The following SOX5 variants were observed in gnomAD, a reference collection of about 807,000 sequenced individuals.
SOX5 encodes SRY-box transcription factor 5.
A neutral mutation model predicts 92.0 loss-of-function variants in SOX5; 9 were observed. The observed-to-expected ratio is 0.10, with a 90% CI of 0.06 to 0.17. SOX5 has a LOEUF of 0.17. SOX5 is among the 10% of genes least tolerant of loss of function. The pLI, the probability that SOX5 is intolerant of heterozygous loss-of-function variation, is 1.00. For missense variants in SOX5, 642 were observed against 944.5 expected (o/e 0.68, Z 4.20); for synonymous variants, 344 against 336.3 (o/e 1.02, Z -0.25).
intron 4 of SOX5, among the ~76,000 whole-genome samples, chr12:23,967,063 T>C (rs1947673145): frequency 6.6e-6 from 1 of 152,172 alleles, no homozygotes; most frequent in African/African-American, 2.4e-5. Flanking sequence ...ATACAATGCA[T>C]AGCATAAGAA....
intron 1 of SOX5, among the ~76,000 whole-genome samples, chr12:24,531,211 T>C (rs1951170322): frequency 6.6e-6 from 1 of 152,086 alleles, no homozygotes; most frequent in African/African-American, 2.4e-5. Context: ...CTGACCAACA[T>C]TAAGCAGGAA....
intron 6 of SOX5, among the ~76,000 whole-genome samples, chr12:23,677,617 C>T (rs1003383731): frequency 6.6e-6 from 1 of 152,148 alleles, no homozygotes; most frequent in Non-Finnish European, 1.5e-5. Context: ...AAATCAATAG[C>T]TGCATCCTTA....
chr12:23,634,916 TA>T (rs1348640119), intron 8 of SOX5, among the ~76,000 whole-genome samples: 1 of 152,218 alleles, frequency 6.6e-6, no homozygotes, highest in Non-Finnish European at 1.5e-5. Flanking sequence ...AATACATTGT[TA>T]AGATTCATTC....
chr12:24,399,148 T>A (rs1276891478), intron 1 of SOX5, among the ~76,000 whole-genome samples: 1 of 152,016 alleles, frequency 6.6e-6, no homozygotes, highest in Admixed American at 6.6e-5. Context: ...TGGTCTTACA[T>A]GATTGCAGCT....
chr12:24,208,009 T>C (rs529192708), intron 4 of SOX5, among the ~76,000 whole-genome samples: 7 of 152,294 alleles, frequency 4.6e-5, no homozygotes, highest in Non-Finnish European at 7.4e-5. Flanking sequence ...CTTTTTGTGA[T>C]TTCCTATATC....
chr12:23,621,447 T>G (rs1207349098), intron 8 of SOX5, among the ~76,000 whole-genome samples: 1 of 152,098 alleles, frequency 6.6e-6, no homozygotes, highest in Non-Finnish European at 1.5e-5. Flanking sequence ...AATGTAAGTT[T>G]TATGTTATTT....
intron 3 of SOX5, among the ~76,000 whole-genome samples, chr12:23,778,034 T>A (rs2095162303): frequency 6.6e-6 from 1 of 152,150 alleles, no homozygotes. Context: ...AATGGCAACA[T>A]GTTGCAGTGG....
intron 4 of SOX5, among the ~76,000 whole-genome samples, chr12:24,212,264 T>C (rs1958702032): frequency 6.6e-6 from 1 of 152,252 alleles, no homozygotes; most frequent in Non-Finnish European, 1.5e-5. Context: ...TGTCCTAATG[T>C]TCATGCTAAA....
At chr12:23,585,342 T>C (rs2136988936) in intron 9 of SOX5, among the ~76,000 whole-genome samples, 1 of 152,288 alleles carries the variant, frequency 6.6e-6, no homozygotes, top group East Asian at 1.9e-4. Flanking sequence ...TGCTTTCTAC[T>C]CAGAGATGTC....
chr12:24,478,615 T>A (rs1208275349), intron 1 of SOX5, among the ~76,000 whole-genome samples: 1 of 152,220 alleles, frequency 6.6e-6, no homozygotes, highest in Non-Finnish European at 1.5e-5. Context: ...CCGTTTCTGT[T>A]ATGGTGCTAC....
At chr12:23,678,257 T>G (rs1241750357) in intron 6 of SOX5, among the ~76,000 whole-genome samples, 2 of 152,070 alleles carry the variant, frequency 1.3e-5, no homozygotes, top group East Asian at 3.9e-4. Flanking sequence ...ATATACCCAA[T>G]AATAAAGAAT....
intron 10 of SOX5, among the ~76,000 whole-genome samples, chr12:23,572,145 C>T (rs1163160277): frequency 6.6e-6 from 1 of 152,128 alleles, no homozygotes; most frequent in African/African-American, 2.4e-5. Context: ...GGTCACCAAC[C>T]TCAAAAAGTC....
intron 3 of SOX5, among the ~76,000 whole-genome samples, chr12:24,273,598 A>C (rs1249191447): frequency 6.6e-6 from 1 of 152,146 alleles, no homozygotes. Flanking sequence ...GTCTCATCAG[A>C]GGTTTGAAAC....
chr12:23,577,160 C>T (rs1465982975), intron 9 of SOX5, among the ~76,000 whole-genome samples: 5 of 90,474 alleles, frequency 5.5e-5, no homozygotes, highest in African/African-American at 1.5e-4. Context: ...TACACACACA[C>T]ACACACACAC....
chr12:24,112,511 T>C (rs576926208), intron 4 of SOX5, among the ~76,000 whole-genome samples: 9 of 148,468 alleles, frequency 6.1e-5, no homozygotes, highest in Admixed American at 1.4e-4. Flanking sequence ...ACAGAACAAC[T>C]TCAAGGTTCC....
intron 1 of SOX5, among the ~76,000 whole-genome samples, chr12:23,916,059 C>T (rs1471236223): frequency 1.3e-5 from 2 of 151,964 alleles, no homozygotes; most frequent in African/African-American, 2.4e-5. Context: ...TGATTTTTGA[C>T]CAGAAAAATC....
At chr12:24,272,067 C>A (rs1006840601) in intron 3 of SOX5, among the ~76,000 whole-genome samples, 1 of 151,988 alleles carries the variant, frequency 6.6e-6, no homozygotes, top group African/African-American at 2.4e-5. Flanking sequence ...ACTTATAAAT[C>A]AATAAGGGAG....
chr12:24,203,039 C>G (rs971258279), intron 4 of SOX5, among the ~76,000 whole-genome samples: 1 of 152,128 alleles, frequency 6.6e-6, no homozygotes, highest in African/African-American at 2.4e-5. Flanking sequence ...GTGGTGTTTA[C>G]CAAATGGTGA....
At chr12:24,219,224 A>T (rs2139772891) in intron 3 of SOX5, among the ~76,000 whole-genome samples, 1 of 152,206 alleles carries the variant, frequency 6.6e-6, no homozygotes, top group East Asian at 1.9e-4. Context: ...AGAAAGAATA[A>T]GATCTAGTGT....
Sources: allele counts gnomAD v4.1 joint callset (sites outside exome capture counted in the v4.1 genomes callset), GRCh38; gene constraint gnomAD v4.1.1; transcripts MANE v1.5; gene names NCBI Gene and HGNC (gene_info 2026-07-23, HGNC 2026-07-21).